TPTE2: variants seen among roughly 807,000 people sequenced by gnomAD.
The protein encoded by TPTE2 is phosphatidylinositol 3,4,5-trisphosphate 3-phosphatase TPTE2.
In TPTE2, 53 loss-of-function variants were observed where a neutral mutation model predicts 78.6. The observed-to-expected ratio is 0.67, with a 90% CI of 0.54 to 0.85. The LOEUF (loss-of-function observed/expected upper bound fraction) is 0.85, where lower values mean the gene tolerates loss of function less well. TPTE2 is among the 40% of genes least tolerant of loss of function. The pLI, the probability that TPTE2 is intolerant of heterozygous loss-of-function variation, is 0.00. For synonymous variants in TPTE2, 175 were observed against 206.2 expected, an observed-to-expected ratio of 0.85 and a Z score of 1.30; for missense variants, 461 against 623.0, an observed-to-expected ratio of 0.74 and a Z score of 2.77.
At chr13:19,503,675 T>C (rs889167675), upstream of TPTE2, among the ~76,000 whole-genome samples, 27 of 152,166 alleles carry the variant, frequency 1.8e-4, no homozygotes, top group African/African-American at 5.8e-4. Flanking sequence ...GGTCCACAAG[T>C]AGGGTAAAGT....
At chr13:19,474,158 C>T (rs1225259635) in intron 5 of TPTE2, 83 bp from the exon 9 acceptor site, 11 of 1,278,544 alleles carry the variant, frequency 8.6e-6, no homozygotes, top group Non-Finnish European at 1.0e-5. Context: ...TATAGCTATA[C>T]TATATTTAAG....
chr13:19,478,500 G>A (rs1880114261), intron 4 of TPTE2, among the ~76,000 whole-genome samples: 1 of 152,214 alleles, frequency 6.6e-6, no homozygotes, highest in Non-Finnish European at 1.5e-5. Flanking sequence ...TAATTAAAAA[G>A]TCAAGAAACA....
At chr13:19,515,061 C>A (rs138055388) in intron 1 of TPTE2, among the ~76,000 whole-genome samples, 1 of 152,122 alleles carries the variant, frequency 6.6e-6, no homozygotes, top group East Asian at 1.9e-4. Flanking sequence ...CTCTCTACAC[C>A]GTATATTATG....
At chr13:19,503,726 T>C (rs1311546868), upstream of TPTE2, among the ~76,000 whole-genome samples, 1 of 152,136 alleles carries the variant, frequency 6.6e-6, no homozygotes, top group Non-Finnish European at 1.5e-5. Context: ...AATATGATGG[T>C]ATTTGGGGTT....
Position 19,487,228 on chromosome 13 carries a change from C to T in TPTE2, c.120-4681G>A, listed in dbSNP as rs529590486. Among the ~76,000 whole-genome samples, 36 of 152,158 alleles carry T rather than the reference C, an allele frequency of 2.4e-4. No individual in the cohort carries two copies. In the South Asian group the frequency reaches 4.2e-3, roughly 18 times the overall value. On this transcript the variant is annotated intron_variant, in intron 3 of 19. Transcript: ENST00000400230. ...AGAGTAAGCTCCCAGGGTTCTTTCT[C>T]GGCCCTGAGACTTGGGCATACACAG...
At chr13:19,544,502 G>A in the TPTE2 span, among the ~76,000 whole-genome samples, 1 of 152,126 alleles carries the variant, frequency 6.6e-6, no homozygotes, top group Non-Finnish European at 1.5e-5. Context: ...ACAAAAATAA[G>A]TTCTAGATAG....
the TPTE2 span, chr13:19,561,230 G>T: frequency 1.5e-6 from 2 of 1,347,758 alleles, no homozygotes; most frequent in Non-Finnish European, 2.1e-6. Context: ...TGATGTAGTG[G>T]CTCACTGCCC....
chr13:19,549,918 G>A, the TPTE2 span, among the ~76,000 whole-genome samples: 10 of 97,220 alleles, frequency 1.0e-4, 1 homozygote, highest in African/African-American at 2.4e-4. Flanking sequence ...ACCAAATACT[G>A]CATTCCTCAT....
At chr13:19,520,118 C>T (rs1010248459) in intron 1 of TPTE2, among the ~76,000 whole-genome samples, 2 of 152,088 alleles carry the variant, frequency 1.3e-5, no homozygotes, top group South Asian at 2.1e-4. Context: ...TCAATTGTTG[C>T]TCCAGCAGGT....
intron 13 of TPTE2, among the ~76,000 whole-genome samples, chr13:19,443,397 C>CTTTTTTTTTTTTTTTTTTTCTTTTT (rs71092357): frequency 1.5e-5 from 2 of 129,910 alleles, no homozygotes; most frequent in African/African-American, 2.7e-5. Context: ...TTCTTTCTTT[C>CTTTTTTTTTTTTTTTTTTTCTTTTT]TTTTTTTTTT....
chr13:19,448,577 A>G (rs1025516806), intron 13 of TPTE2, among the ~76,000 whole-genome samples: 4 of 152,232 alleles, frequency 2.6e-5, no homozygotes, highest in Non-Finnish European at 5.9e-5. Flanking sequence ...GCTAAACATC[A>G]TTAATCATCA....
intron 17 of TPTE2, among the ~76,000 whole-genome samples, chr13:19,427,943 A>T (rs1876258684): frequency 6.6e-6 from 1 of 152,192 alleles, no homozygotes; most frequent in Non-Finnish European, 1.5e-5. Context: ...ACAATAGTAG[A>T]ATGGTACATA....
At chr13:19,443,737 T>TACACACAC (rs373060672) in intron 13 of TPTE2, among the ~76,000 whole-genome samples, 11 of 129,864 alleles carry the variant, frequency 8.5e-5, no homozygotes, top group Admixed American at 1.5e-4. Context: ...TGGTAGCTAA[T>TACACACAC]ACACACACAC....
intron 3 of TPTE2, among the ~76,000 whole-genome samples, chr13:19,482,806 T>C (rs1364398526): frequency 6.6e-6 from 1 of 150,928 alleles, no homozygotes; most frequent in Non-Finnish European, 1.5e-5. Flanking sequence ...TCTATATATA[T>C]GTATATAAAG....
intron 13 of TPTE2, among the ~76,000 whole-genome samples, chr13:19,440,988 G>A (rs184246826): frequency 6.6e-6 from 1 of 151,908 alleles, no homozygotes; most frequent in African/African-American, 2.4e-5. Context: ...TTGGGAGGCT[G>A]AGCCAGGAGA....
chr13:19,496,354 C>G (rs1881310173), intron 1 of TPTE2, among the ~76,000 whole-genome samples: 2 of 152,214 alleles, frequency 1.3e-5, no homozygotes, highest in Non-Finnish European at 2.9e-5. Context: ...TGGAGCTGGC[C>G]AATGCACGAC....
chr13:19,439,088 A>G (rs1057435651), intron 13 of TPTE2, among the ~76,000 whole-genome samples: 4 of 152,142 alleles, frequency 2.6e-5, no homozygotes, highest in African/African-American at 7.2e-5. Context: ...ACACTGGGGG[A>G]ATCTTCCCTA....
chr13:19,426,689 A>G (rs1022498212), intron 17 of TPTE2, among the ~76,000 whole-genome samples, 172 bp from the exon 21 acceptor site: 3 of 152,060 alleles, frequency 2.0e-5, no homozygotes, highest in Non-Finnish European at 2.9e-5. Context: ...ACTGTTGTTT[A>G]TGTGTGTGTG....
chr13:19,427,787 T>C (rs1250398466), intron 17 of TPTE2, among the ~76,000 whole-genome samples: 1 of 152,184 alleles, frequency 6.6e-6, no homozygotes, highest in Admixed American at 6.5e-5. Flanking sequence ...TTGGAATGAA[T>C]GACTTTGAAG....
Sources: gnomAD v4.1 joint callset for allele counts (sites outside exome capture counted in the v4.1 genomes callset) on GRCh38, gnomAD v4.1.1 for gene constraint, MANE v1.5 for transcripts, NCBI Gene and HGNC (gene_info 2026-07-23, HGNC 2026-07-21) for gene names.